The following ATXN1 variants were observed in gnomAD, a reference collection of about 807,000 sequenced individuals.
ATXN1 encodes ataxin 1.
A neutral mutation model predicts 56.4 loss-of-function variants in ATXN1; 8 were observed. The observed-to-expected ratio is 0.14, with a 90% CI of 0.08 to 0.26. The LOEUF (loss-of-function observed/expected upper bound fraction) is 0.26. ATXN1 is among the 10% of genes least tolerant of loss of function. The pLI, the probability that ATXN1 is intolerant of heterozygous loss-of-function variation, is 1.00. For missense variants in ATXN1, 987 were observed against 1,106.5 expected, an observed-to-expected ratio of 0.89 and a Z score of 1.53; for synonymous variants, 514 against 494.6, an observed-to-expected ratio of 1.04 and a Z score of -0.52.
chr6:16,322,962 C>T (rs989834289), intron 7 of ATXN1, among the ~76,000 whole-genome samples: 2 of 152,198 alleles, frequency 1.3e-5, no homozygotes, highest in African/African-American at 2.4e-5. Flanking sequence ...ACTTGCCTTT[C>T]TTTGAGGAAG....
At chr6:16,738,856 A>G (rs1760229277) in intron 2 of ATXN1, 1 of 152,260 alleles carries the variant, frequency 6.6e-6, no homozygotes, top group Non-Finnish European at 1.5e-5. Context: ...CAGAACAAGA[A>G]CTGCTTTCTG....
chr6:16,392,148 T>C (rs185864166), intron 6 of ATXN1, among the ~76,000 whole-genome samples: 48 of 152,354 alleles, frequency 3.2e-4, no homozygotes, highest in Non-Finnish European at 4.7e-4. Flanking sequence ...GAAATGGCAC[T>C]AGCCAGTGAT....
At chr6:16,665,127 T>C (rs1246158789) in intron 2 of ATXN1, among the ~76,000 whole-genome samples, 1 of 152,216 alleles carries the variant, frequency 6.6e-6, no homozygotes, top group Non-Finnish European at 1.5e-5. Context: ...GGAGAAGATG[T>C]GGCCAATAGT....
intron 6 of ATXN1, among the ~76,000 whole-genome samples, chr6:16,415,096 G>A (rs1758874645): frequency 6.6e-6 from 1 of 151,992 alleles, no homozygotes; most frequent in South Asian, 2.1e-4. Context: ...TTGTGTTCTT[G>A]GGCAAATTAT....
intron 2 of ATXN1, among the ~76,000 whole-genome samples, chr6:16,720,438 A>G (rs542439199): frequency 1.3e-5 from 2 of 152,302 alleles, no homozygotes; most frequent in South Asian, 4.1e-4. Flanking sequence ...AGTGCATACA[A>G]CCATGTCTGG....
At chr6:16,695,782 G>A (rs115299728) in intron 2 of ATXN1, among the ~76,000 whole-genome samples, 3,420 of 152,212 alleles carry the variant, frequency 0.022, 53 homozygotes, top group South Asian at 0.056. Context: ...AATGGAATGA[G>A]ACCCTGTCTT....
intron 6 of ATXN1, among the ~76,000 whole-genome samples, chr6:16,408,495 G>A (rs1324983225): frequency 1.3e-5 from 2 of 149,588 alleles, no homozygotes; most frequent in Non-Finnish European, 3.0e-5. Context: ...AGATGAGAAT[G>A]AGGAACATGA....
intron 5 of ATXN1, among the ~76,000 whole-genome samples, chr6:16,498,653 T>A (rs1760822386): frequency 6.6e-6 from 1 of 152,212 alleles, no homozygotes; most frequent in African/African-American, 2.4e-5. Context: ...CCAACACTTG[T>A]TATTTTCCTT....
At chr6:16,437,687 T>C (rs1759422613) in intron 6 of ATXN1, among the ~76,000 whole-genome samples, 1 of 152,254 alleles carries the variant, frequency 6.6e-6, no homozygotes, top group Admixed American at 6.5e-5. Context: ...AATTATAATT[T>C]GATTAACTTA....
At chr6:16,471,992 G>A (rs1352437498) in intron 6 of ATXN1, among the ~76,000 whole-genome samples, 1 of 152,078 alleles carries the variant, frequency 6.6e-6, no homozygotes. Context: ...TTTCTAAAAA[G>A]GTAAACAACA....
chr6:16,439,573 T>A (rs1213544585), intron 6 of ATXN1, among the ~76,000 whole-genome samples: 1 of 152,090 alleles, frequency 6.6e-6, no homozygotes. Flanking sequence ...TTGGAAAAGA[T>A]ACGTGTATTA....
chr6:16,511,748 T>G (rs1037371232), intron 5 of ATXN1, among the ~76,000 whole-genome samples: 1 of 152,264 alleles, frequency 6.6e-6, no homozygotes, highest in Non-Finnish European at 1.5e-5. Flanking sequence ...TTCAAGTTGA[T>G]AGTCCACCCA....
intron 6 of ATXN1, among the ~76,000 whole-genome samples, chr6:16,371,465 G>C (rs1762040891): frequency 6.6e-6 from 1 of 152,126 alleles, no homozygotes; most frequent in East Asian, 1.9e-4. Context: ...CAGCTGGTCA[G>C]ATAAGAAGAA....
At chr6:16,715,881 C>A (rs979289882) in intron 2 of ATXN1, among the ~76,000 whole-genome samples, 5 of 152,192 alleles carry the variant, frequency 3.3e-5, no homozygotes, top group Admixed American at 2.6e-4. Context: ...GTCCCCTAAG[C>A]CCTACCTCTA....
At chr6:16,604,262 G>A (rs1335808611) in intron 3 of ATXN1, among the ~76,000 whole-genome samples, 1 of 150,946 alleles carries the variant, frequency 6.6e-6, no homozygotes, top group Non-Finnish European at 1.5e-5. Context: ...AGGCCAAGGA[G>A]GGAAGACCAC....
chr6:16,715,073 T>C (rs1759610933), intron 2 of ATXN1, among the ~76,000 whole-genome samples: 1 of 152,016 alleles, frequency 6.6e-6, no homozygotes, highest in South Asian at 2.1e-4. Flanking sequence ...CCTGGCCCCA[T>C]TATTTCTCAC....
chr6:16,492,101 C>T (rs184893601), intron 5 of ATXN1, among the ~76,000 whole-genome samples: 10 of 152,254 alleles, frequency 6.6e-5, no homozygotes, highest in East Asian at 1.9e-4. Context: ...ACAGATAATT[C>T]AGCTAAGCCA....
chr6:16,531,464 T>C (rs996137758), intron 4 of ATXN1, among the ~76,000 whole-genome samples: 1 of 151,722 alleles, frequency 6.6e-6, no homozygotes. Flanking sequence ...CTCTACTAAA[T>C]ATACAAAAAT....
chr6:16,684,646 C>T (rs1758879944), intron 2 of ATXN1, among the ~76,000 whole-genome samples: 1 of 152,202 alleles, frequency 6.6e-6, no homozygotes, highest in Non-Finnish European at 1.5e-5. Flanking sequence ...CCACCCAGTT[C>T]CCAGCGTGCT....
Sources: allele counts gnomAD v4.1 joint callset (sites outside exome capture counted in the v4.1 genomes callset), GRCh38; gene constraint gnomAD v4.1.1; transcripts MANE v1.5; gene names NCBI Gene and HGNC (gene_info 2026-07-23, HGNC 2026-07-21).